Variants in NPIPB11 observed in about 807,000 individuals in gnomAD.
NPIPB11 encodes the protein nuclear pore complex interacting protein family member B11.
NPIPB11 carries 17 observed loss-of-function variants against 32.8 expected under a neutral mutation model. The ratio of observed to expected loss-of-function variants is 0.52; its 90% CI spans 0.35 to 0.78. NPIPB11 has a LOEUF of 0.78. NPIPB11 is among the 30% of genes least tolerant of loss of function. The probability of loss-of-function intolerance (pLI) is 0.01; values close to 1 mark genes in which losing one functional copy is unlikely to be tolerated. For missense variants in NPIPB11, 537 were observed against 1,000.4 expected, an observed-to-expected ratio of 0.54 and a Z score of 6.25; for synonymous variants, 209 against 398.4, an observed-to-expected ratio of 0.52 and a Z score of 5.66.
exon 8 of NPIPB11, chr16:29,382,202 G>C (rs1963508980): frequency 7.0e-7 from 1 of 1,437,320 alleles, no homozygotes; most frequent in Middle Eastern, 2.4e-4. Context: ...GTGGAGCTGA[G>C]GGTGGAAGGG....
chr16:29,388,854 G>A (rs1963633048), intron 5 of NPIPB11, among the ~76,000 whole-genome samples: 1 of 127,884 alleles, frequency 7.8e-6, no homozygotes, highest in African/African-American at 3.0e-5. Context: ...CCTGAGGTCA[G>A]GAGTTCAAGA....
chr16:29,394,406 G>A (rs1201221452), intron 2 of NPIPB11, among the ~76,000 whole-genome samples: 1 of 141,174 alleles, frequency 7.1e-6, no homozygotes. Context: ...ACTAACAATA[G>A]CTGATGATCT....
At chr16:29,397,078 G>C (rs1266447782) in intron 2 of NPIPB11, among the ~76,000 whole-genome samples, 2 of 150,602 alleles carry the variant, frequency 1.3e-5, no homozygotes, top group Non-Finnish European at 3.0e-5. Flanking sequence ...GGCTGAGGCA[G>C]GACAATTGCT....
chr16:29,402,945 T>C (rs919823355), intron 2 of NPIPB11, among the ~76,000 whole-genome samples: 2 of 147,508 alleles, frequency 1.4e-5, no homozygotes, highest in African/African-American at 5.1e-5. Context: ...GTAAAATAAA[T>C]GTGATGTGGT....
exon 3 of NPIPB11, chr16:29,393,976 A>G: frequency 6.3e-7 from 1 of 1,599,408 alleles, no homozygotes; most frequent in African/African-American, 1.3e-5. Flanking sequence ...GAGGGTAATG[A>G]CAACTTTATA....
intron 5 of NPIPB11, among the ~76,000 whole-genome samples, chr16:29,389,396 G>A (rs1471041974): frequency 1.5e-5 from 2 of 135,558 alleles, no homozygotes; most frequent in Non-Finnish European, 3.1e-5. Flanking sequence ...AAAAAAGGCT[G>A]GCTGTGGTGG....
At chr16:29,394,007 T>C (rs1407946789) in exon 3 of NPIPB11, 9 of 1,599,404 alleles carry the variant, frequency 5.6e-6, no homozygotes, top group African/African-American at 1.3e-5. Context: ...AACGCAATAA[T>C]AATATGTAAC....
exon 3 of NPIPB11, chr16:29,394,010 T>G: frequency 6.3e-7 from 1 of 1,599,366 alleles, no homozygotes; most frequent in South Asian, 1.1e-5. Flanking sequence ...GCAATAATAA[T>G]ATGTAACCAA....
intron 2 of NPIPB11, among the ~76,000 whole-genome samples, chr16:29,395,136 C>G (rs1432135266): frequency 8.5e-5 from 10 of 117,718 alleles, no homozygotes; most frequent in East Asian, 4.9e-4. Context: ...TCACTCATGG[C>G]TAAGACAAGC....
At chr16:29,402,724 CTGTGTGTGTGTGTGTGTGTGTG>C (rs71214272) in intron 2 of NPIPB11, among the ~76,000 whole-genome samples, 9 of 119,634 alleles carry the variant, frequency 7.5e-5, no homozygotes, top group African/African-American at 2.9e-4. Context: ...CTCTCTCTCT[CTGTGTGTGTGTGTGTGTGTGTG>C]TGTGTGTGTG....
At chr16:29,388,920 G>C (rs1191588571) in intron 5 of NPIPB11, among the ~76,000 whole-genome samples, 1 of 130,816 alleles carries the variant, frequency 7.6e-6, no homozygotes, top group South Asian at 2.8e-4. Context: ...AATTGGGCCG[G>C]GCACGGTGGC....
intron 2 of NPIPB11, among the ~76,000 whole-genome samples, chr16:29,402,724 C>CTGCG (rs1555475885): frequency 8.4e-5 from 10 of 119,674 alleles, no homozygotes; most frequent in Admixed American, 5.3e-4. Flanking sequence ...CTCTCTCTCT[C>CTGCG]TGTGTGTGTG....
chr16:29,393,964 C>A, exon 3 of NPIPB11: 1 of 1,599,050 alleles, frequency 6.3e-7, no homozygotes, highest in Non-Finnish European at 8.5e-7. Context: ...GTAAACTATC[C>A]AGAGGGTAAT....
intron 1 of NPIPB11, 66 bp from the exon 2 acceptor site, chr16:29,403,906 G>C: frequency 1.0e-6 from 1 of 988,032 alleles, no homozygotes; most frequent in East Asian, 2.6e-5. Flanking sequence ...TGAGTCTATA[G>C]TGGTCAAGGG....
At chr16:29,394,205 G>A in intron 2 of NPIPB11, 129 bp from the exon 3 acceptor site, 1 of 1,024,808 alleles carries the variant, frequency 9.8e-7, no homozygotes, top group Non-Finnish European at 1.4e-6. Context: ...ATCACCGTGG[G>A]ATTCCACTGC....
intron 3 of NPIPB11, 85 bp downstream of exon 3, chr16:29,393,863 G>C: frequency 8.1e-7 from 1 of 1,231,278 alleles, no homozygotes; most frequent in East Asian, 2.6e-5. Flanking sequence ...TATTCATAAT[G>C]AAGTCCAGAA....
At chr16:29,402,728 G>A (rs62035608) in intron 2 of NPIPB11, among the ~76,000 whole-genome samples, 11 of 73,584 alleles carry the variant, frequency 1.5e-4, no homozygotes, top group Admixed American at 2.3e-4. Context: ...CTCTCTCTGT[G>A]TGTGTGTGTG....
At chr16:29,389,563 A>T (rs1462170812) in intron 5 of NPIPB11, among the ~76,000 whole-genome samples, 1 of 146,998 alleles carries the variant, frequency 6.8e-6, no homozygotes, top group Admixed American at 6.9e-5. Context: ...AATCCCAGCT[A>T]CTTGGGAGGC....
exon 5 of NPIPB11, chr16:29,390,006 C>T: frequency 1.9e-6 from 3 of 1,592,386 alleles, no homozygotes; most frequent in Non-Finnish European, 2.6e-6. Flanking sequence ...TTGTCACCTT[C>T]CTCTTACGGA....
Sources: allele counts gnomAD v4.1 joint callset (sites outside exome capture counted in the v4.1 genomes callset), GRCh38; gene constraint gnomAD v4.1.1; transcripts MANE v1.5; gene names NCBI Gene and HGNC (gene_info 2026-07-23, HGNC 2026-07-21).